Variants in RABGAP1L observed in about 807,000 individuals in gnomAD.
The protein encoded by RABGAP1L is rab GTPase-activating protein 1-like.
RABGAP1L carries 63 observed loss-of-function variants against 137.7 expected under a neutral mutation model. The ratio of observed to expected loss-of-function variants is 0.46; its 90% CI spans 0.37 to 0.56. RABGAP1L has a LOEUF of 0.56. Ranked by LOEUF, RABGAP1L falls within the 20% of genes least tolerant of loss-of-function variation. The pLI is 0.00. For synonymous variants in RABGAP1L, 431 were observed against 433.7 expected (o/e 0.99, Z 0.08); for missense variants, 1,095 against 1,244.0 (o/e 0.88, Z 1.80).
Position 174,194,188 on chromosome 1 carries a change from A to G in RABGAP1L, c.-33-24937A>G, listed in dbSNP as rs114170095. On this transcript the variant is annotated intron_variant, in intron 1 of 25. Coordinates refer to ENST00000681986, the MANE Select transcript of RABGAP1L (RefSeq NM_001366446.1). ...CATTCTCTTCTCCCTTGTGGTAATT[A>G]ATGGTGGTGGTGGTGGAGAATCTAC... is the stretch of plus-strand genomic sequence containing the variant. Among the ~76,000 whole-genome samples the G allele has an allele frequency of 3.9e-3, 590 of 151,784 alleles. 2 individuals carry two copies. Among genetic ancestry groups the G allele is most frequent in the African/African-American group, 0.014 (559 of 41,358 alleles).
At chr1:174,741,499 A>C (rs2148652012) in intron 17 of RABGAP1L, among the ~76,000 whole-genome samples, 1 of 152,024 alleles carries the variant, frequency 6.6e-6, no homozygotes. Context: ...AGTAGCTCAG[A>C]CTACAGGCAT....
intron 17 of RABGAP1L, among the ~76,000 whole-genome samples, chr1:174,732,597 C>T (rs550585704): frequency 1.3e-5 from 2 of 152,204 alleles, no homozygotes; most frequent in South Asian, 4.2e-4. Flanking sequence ...TCTTCAGTAA[C>T]ATGAAAAATT....
At position 174,613,959 on chromosome 1, in the gene RABGAP1L, A is replaced by G. The variant is rs201013057; in HGVS notation, c.1711-23416A>G. On this transcript the variant is annotated intron_variant, in intron 13 of 25. Transcript: ENST00000681986. ...TTTGAGCCTATGTGTGTCTCTGCAC[A>G]TGAGATGGGTTTCCTGAATACAGCA... Among the ~76,000 whole-genome samples the G allele has an allele frequency of 9.2e-3, 1,400 of 152,102 alleles. 24 individuals are homozygous for G. The highest frequency in any genetic ancestry group is 0.032 in the African/African-American group (1,335 of 41,450).
chr1:174,514,247 CAAAAAA>C (rs776487855), intron 13 of RABGAP1L, among the ~76,000 whole-genome samples: 31 of 81,066 alleles, frequency 3.8e-4, no homozygotes, highest in African/African-American at 9.9e-4. Context: ...TATTTTAAGC[CAAAAAA>C]AAAAAAAAAA....
At chr1:174,915,580 C>T (rs1660726702) in intron 19 of RABGAP1L, among the ~76,000 whole-genome samples, 1 of 152,180 alleles carries the variant, frequency 6.6e-6, no homozygotes, top group Admixed American at 6.5e-5. Context: ...CCTCAGCCTC[C>T]CGAGTAGCTA....
intron 2 of RABGAP1L, 62 bp from the exon 3 acceptor site, chr1:174,220,910 C>T: frequency 7.5e-7 from 1 of 1,334,650 alleles, no homozygotes; most frequent in Non-Finnish European, 1.0e-6. Flanking sequence ...GAAATACTTT[C>T]ATAAAATTTA....
intron 19 of RABGAP1L, among the ~76,000 whole-genome samples, chr1:174,907,485 T>C (rs1388574349): frequency 6.6e-6 from 1 of 152,008 alleles, no homozygotes; most frequent in African/African-American, 2.4e-5. Context: ...GCTCATTTTT[T>C]TGTATTTTTT....
intron 20 of RABGAP1L, among the ~76,000 whole-genome samples, chr1:174,959,145 A>G (rs1668866025): frequency 6.6e-6 from 1 of 152,262 alleles, no homozygotes; most frequent in Non-Finnish European, 1.5e-5. Flanking sequence ...ATACTTCTAT[A>G]GCAGATAACT....
At chr1:174,285,395 T>C (rs1409300475) in intron 10 of RABGAP1L, among the ~76,000 whole-genome samples, 1 of 152,236 alleles carries the variant, frequency 6.6e-6, no homozygotes, top group Non-Finnish European at 1.5e-5. Context: ...TTGTTTGGTA[T>C]GCTACTGTAA....
At chr1:174,906,671 T>C (rs1169251501) in intron 19 of RABGAP1L, among the ~76,000 whole-genome samples, 4 of 151,714 alleles carry the variant, frequency 2.6e-5, no homozygotes. Context: ...TAGAAAACTT[T>C]CCAGGTACAA....
chr1:174,538,105 G>A (rs911657332), intron 13 of RABGAP1L, among the ~76,000 whole-genome samples: 7 of 151,918 alleles, frequency 4.6e-5, no homozygotes, highest in Admixed American at 2.6e-4. Context: ...CATTTCTCTC[G>A]TCATACGTGC....
At chr1:174,943,834 A>G (rs946965665) in intron 19 of RABGAP1L, among the ~76,000 whole-genome samples, 19 of 151,918 alleles carry the variant, frequency 1.3e-4, no homozygotes, top group African/African-American at 4.1e-4. Context: ...CTCCATCTCA[A>G]AAAAAAAGAC....
intron 1 of RABGAP1L, among the ~76,000 whole-genome samples, chr1:174,209,762 C>T (rs1668748576): frequency 6.6e-6 from 1 of 152,140 alleles, no homozygotes; most frequent in Non-Finnish European, 1.5e-5. Flanking sequence ...TAGGCGGTAG[C>T]CAGGTAGTGC....
chr1:174,257,228 A>C (rs61828589), intron 7 of RABGAP1L, among the ~76,000 whole-genome samples: 13,600 of 152,236 alleles, frequency 0.089, 821 homozygotes, highest in East Asian at 0.22. Context: ...GTAGCAACAC[A>C]GACAAAGAAG....
intron 13 of RABGAP1L, among the ~76,000 whole-genome samples, chr1:174,499,341 A>G (rs1661046779): frequency 6.6e-6 from 1 of 152,202 alleles, no homozygotes; most frequent in African/African-American, 2.4e-5. Flanking sequence ...AAGATTTTCA[A>G]ATTAGTGTAT....
chr1:174,662,439 CAG>C (rs1206020809), intron 14 of RABGAP1L, among the ~76,000 whole-genome samples: 1 of 146,396 alleles, frequency 6.8e-6, no homozygotes, highest in Non-Finnish European at 1.5e-5. Context: ...GTTTTTGAAA[CAG>C]AGTCGCACTC....
At chr1:174,891,408 A>T (rs920492502) in intron 19 of RABGAP1L, among the ~76,000 whole-genome samples, 2 of 152,194 alleles carry the variant, frequency 1.3e-5, no homozygotes, top group East Asian at 3.8e-4. Flanking sequence ...AATAAGGTTG[A>T]TTAATGTATT....
intron 13 of RABGAP1L, among the ~76,000 whole-genome samples, chr1:174,550,921 C>CACACATACACAT (rs1467484298): frequency 2.2e-5 from 2 of 90,952 alleles, no homozygotes; most frequent in African/African-American, 6.5e-5. Flanking sequence ...CACACACACA[C>CACACATACACAT]ATATATATAT....
intron 19 of RABGAP1L, among the ~76,000 whole-genome samples, chr1:174,871,448 A>AATT (rs1652182538): frequency 6.6e-6 from 1 of 152,206 alleles, no homozygotes; most frequent in South Asian, 2.1e-4. Context: ...GCTTTTTTAA[A>AATT]ATAAATAAAG....
Sources: allele counts gnomAD v4.1 joint callset (sites outside exome capture counted in the v4.1 genomes callset), GRCh38; gene constraint gnomAD v4.1.1; transcripts MANE v1.5; gene names NCBI Gene and HGNC (gene_info 2026-07-23, HGNC 2026-07-21).